Variants in DNER observed in about 807,000 individuals in gnomAD.
DNER encodes the protein delta and Notch-like epidermal growth factor-related receptor.
DNER carries 33 observed loss-of-function variants against 78.2 expected under a neutral mutation model. That is an observed-to-expected ratio of 0.42 (90% confidence interval 0.32 to 0.56). DNER has a LOEUF of 0.56. Among genes scored for constraint, DNER ranks in the 20% least tolerant of loss-of-function variants. The pLI is 0.11. For synonymous variants in DNER, 417 were observed against 384.8 expected (o/e 1.08, Z -0.98); for missense variants, 918 against 975.3 (o/e 0.94, Z 0.78).
At chr2:229,367,382 C>T (rs1692375574) in intron 11 of DNER, among the ~76,000 whole-genome samples, 1 of 152,036 alleles carries the variant, frequency 6.6e-6, no homozygotes, top group Non-Finnish European at 1.5e-5. Flanking sequence ...AGGTGGATCA[C>T]TTGAGGTCAG....
At chr2:229,421,994 T>C (rs1156496229) in intron 8 of DNER, among the ~76,000 whole-genome samples, 1 of 152,178 alleles carries the variant, frequency 6.6e-6, no homozygotes, top group Non-Finnish European at 1.5e-5. Context: ...ATACTAGCAA[T>C]ATGAAAAGCA....
intron 5 of DNER, among the ~76,000 whole-genome samples, chr2:229,537,812 T>C (rs1427292826): frequency 6.6e-6 from 1 of 152,128 alleles, no homozygotes; most frequent in East Asian, 1.9e-4. Flanking sequence ...AATGTGCAGG[T>C]TAGTTACATA....
At position 229,400,997 on chromosome 2, in the gene DNER, G is replaced by A. The variant is rs142222849; in HGVS notation, c.1723+6235C>T. Among the ~76,000 whole-genome samples the A allele has an allele frequency of 4.8e-3, 736 of 152,144 alleles. 4 individuals are homozygous for A. The highest frequency in any genetic ancestry group is 7.9e-3 in the Non-Finnish European group (535 of 67,916). On this transcript the variant is annotated intron_variant, in intron 10 of 12. Coordinates refer to ENST00000341772, the MANE Select transcript of DNER (RefSeq NM_139072.4). ...TATGTAGCCTTGATGTGATGTGATA[G>A]GATTAGAAAATGGACAAAAGACAGA... is the stretch of plus-strand genomic sequence containing the variant.
Position 229,447,347 on chromosome 2 carries a change from C to T in DNER, c.1455G>A (p.Val485=). ...CACAGAGGCATTTGTAGCTGGTGCCCACGCTGCGGCACGTGCCATGAGCAC... is the reference window on the plus strand; with the variant it reads ...CACAGAGGCATTTGTAGCTGGTGCCTACGCTGCGGCACGTGCCATGAGCAC... The part of the protein sequence containing the change: ...SPCAHGTCRS[V]GTSYKCLCDP... Residue 485 remains valine, a synonymous_variant, in exon 8 of 13, where the codon GTG becomes GTA. Transcript: ENST00000341772. The T allele has an allele frequency of 6.2e-7, 1 of 1,608,232 alleles. No individual in the cohort carries two copies.
At chr2:229,630,511 AT>A (rs1698416652) in intron 1 of DNER, among the ~76,000 whole-genome samples, 1 of 148,916 alleles carries the variant, frequency 6.7e-6, no homozygotes, top group African/African-American at 2.5e-5. Context: ...AATAATAATA[AT>A]AATAATAATA....
At position 229,546,953 on chromosome 2, in the gene DNER, C is replaced by T. The variant is rs148648697; in HGVS notation, c.987G>A (p.Pro329=). The change falls in exon 5 of 13, where the codon CCG becomes CCA. Residue 329 remains proline, a synonymous_variant. Coordinates refer to ENST00000341772, the MANE Select transcript of DNER (RefSeq NM_139072.4). The stretch of plus-strand genomic sequence containing the variant: ...CTACCAGGCATCCCCTTACCTCTGA[C>T]GGCTTCGTGGTGCATTTTCCTTTTC... ...CSGKGKCTTK[P]SEATFSCTCE... 1.2e-4 allele frequency: 197 copies of T among 1,614,126 alleles called. 1 individual carries two copies. The highest frequency in any genetic ancestry group is 1.1e-3 in the South Asian group (98 of 91,070).
chr2:229,684,167 AGAGTGTGTGTGT>A (rs1449014702), intron 1 of DNER, among the ~76,000 whole-genome samples: 3 of 103,180 alleles, frequency 2.9e-5, no homozygotes, highest in African/African-American at 7.8e-5. Flanking sequence ...AGAGAGAGAG[AGAGTGTGTGTGT>A]GTGTGTGTGT....
At chr2:229,423,484 G>T (rs902318749) in intron 8 of DNER, among the ~76,000 whole-genome samples, 8 of 151,810 alleles carry the variant, frequency 5.3e-5, no homozygotes, top group African/African-American at 1.9e-4. Context: ...GCGTGGTGGT[G>T]GGCGCCTGTA....
chr2:229,594,600 A>AAAGC (rs58521573), intron 1 of DNER, among the ~76,000 whole-genome samples: 3 of 28,216 alleles, frequency 1.1e-4, no homozygotes, highest in Non-Finnish European at 5.5e-4. Flanking sequence ...AAAAAAAAAC[A>AAAGC]AAACAAACAA....
chr2:229,609,687 C>T (rs1426191355), intron 1 of DNER, among the ~76,000 whole-genome samples: 1 of 152,144 alleles, frequency 6.6e-6, no homozygotes, highest in African/African-American at 2.4e-5. Flanking sequence ...GGTGGAGGGA[C>T]ACAATGACAA....
At chr2:229,707,077 G>T (rs928200708) in intron 1 of DNER, among the ~76,000 whole-genome samples, 2 of 151,482 alleles carry the variant, frequency 1.3e-5, no homozygotes, top group Non-Finnish European at 1.5e-5. Flanking sequence ...GCAGTGATGC[G>T]ATCTCGGCTC....
chr2:229,407,985 C>T (rs1261502545), intron 9 of DNER, among the ~76,000 whole-genome samples: 2 of 152,086 alleles, frequency 1.3e-5, no homozygotes, highest in Non-Finnish European at 2.9e-5. Flanking sequence ...TGAAGCTGCC[C>T]GTAATCCCAT....
chr2:229,372,056 C>A (rs1035653766), intron 11 of DNER, among the ~76,000 whole-genome samples: 1 of 151,972 alleles, frequency 6.6e-6, no homozygotes, highest in African/African-American at 2.4e-5. Context: ...GGAATGAATG[C>A]GAAAAGGGAA....
At chr2:229,610,451 C>T (rs938711271) in intron 1 of DNER, among the ~76,000 whole-genome samples, 1 of 152,218 alleles carries the variant, frequency 6.6e-6, no homozygotes, top group Non-Finnish European at 1.5e-5. Context: ...GGGGAGCCTG[C>T]AGCTGACGTT....
intron 4 of DNER, among the ~76,000 whole-genome samples, chr2:229,569,968 C>T (rs1697186390): frequency 6.6e-6 from 1 of 152,222 alleles, no homozygotes; most frequent in East Asian, 1.9e-4. Flanking sequence ...TTTCAGAGGG[C>T]CATAATTTTC....
intron 1 of DNER, among the ~76,000 whole-genome samples, chr2:229,696,304 C>G (rs552458258): frequency 6.6e-6 from 1 of 152,298 alleles, no homozygotes; most frequent in South Asian, 2.1e-4. Flanking sequence ...TTACAACCCA[C>G]GATGATTGAC....
chr2:229,695,199 T>A (rs1699643450), intron 1 of DNER, among the ~76,000 whole-genome samples: 1 of 152,218 alleles, frequency 6.6e-6, no homozygotes, highest in Admixed American at 6.5e-5. Context: ...CAATTAAACA[T>A]CTTTCCTTTA....
intron 7 of DNER, among the ~76,000 whole-genome samples, chr2:229,465,166 A>G (rs2154210968): frequency 6.6e-6 from 1 of 152,324 alleles, no homozygotes; most frequent in East Asian, 1.9e-4. Flanking sequence ...AATAGCAAAG[A>G]CATGGAATCC....
At chr2:229,433,276 G>A (rs1443942072) in intron 8 of DNER, among the ~76,000 whole-genome samples, 5 of 152,112 alleles carry the variant, frequency 3.3e-5, no homozygotes, top group African/African-American at 7.2e-5. Flanking sequence ...TCCTAAGCGC[G>A]TTTAACTAAT....
Sources: allele counts gnomAD v4.1 joint callset (sites outside exome capture counted in the v4.1 genomes callset), GRCh38; gene constraint gnomAD v4.1.1; transcripts MANE v1.5; gene names NCBI Gene and HGNC (gene_info 2026-07-23, HGNC 2026-07-21).